ATP10D: variants seen among roughly 807,000 people sequenced by gnomAD.
ATP10D encodes phospholipid-transporting ATPase VD.
ATP10D carries 89 observed loss-of-function variants against 144.8 expected under a neutral mutation model. The ratio of observed to expected loss-of-function variants is 0.61; its 90% CI spans 0.52 to 0.73. The LOEUF (loss-of-function observed/expected upper bound fraction) is 0.73. Ranked by LOEUF, ATP10D falls within the 30% of genes least tolerant of loss-of-function variation. The pLI is 0.00. For missense variants in ATP10D, 1,603 were observed against 1,714.8 expected (o/e 0.93, Z 1.15); for synonymous variants, 571 against 615.1 (o/e 0.93, Z 1.06).
chr4:47,516,488 A>C (rs1218262664), intron 3 of ATP10D, among the ~76,000 whole-genome samples: 1 of 152,224 alleles, frequency 6.6e-6, no homozygotes, highest in Non-Finnish European at 1.5e-5. Flanking sequence ...TTATTCTTAG[A>C]TGTAAGTTAA....
In ATP10D at chr4:47,511,285, G is replaced by GT. The variant is rs149123886; in HGVS notation, c.-37-1210dup. Reference sequence around the variant, plus strand: ...TTAGAGGCCAAAATCCAAAAGAACTGTTTTTTTTTCTTGTTCCTATTATTA... The same window carrying GT: ...TTAGAGGCCAAAATCCAAAAGAACTGTTTTTTTTTTCTTGTTCCTATTATTA... On this transcript the variant is annotated intron_variant, in intron 1 of 22. Transcript: ENST00000273859. Among the ~76,000 whole-genome samples, 225 of 151,304 alleles carry GT rather than the reference G, an allele frequency of 1.5e-3. 1 individual carries two copies. Among genetic ancestry groups the GT allele is most frequent in the African/African-American group, 4.8e-3 (197 of 41,204 alleles).
chr4:47,496,149 CCTTTTT>C (rs1403938892), intron 1 of ATP10D, among the ~76,000 whole-genome samples: 17 of 126,796 alleles, frequency 1.3e-4, no homozygotes, highest in African/African-American at 4.5e-4. Context: ...TAGTGACTTT[CCTTTTT>C]CTTTTTTTTT....
chr4:47,576,135 T>G (rs1012892910), intron 18 of ATP10D, among the ~76,000 whole-genome samples: 2 of 151,396 alleles, frequency 1.3e-5, no homozygotes, highest in African/African-American at 4.9e-5. Flanking sequence ...GTTTCACCGT[T>G]TTAGCCGGGA....
At chr4:47,500,986 A>G (rs1273222772) in intron 1 of ATP10D, among the ~76,000 whole-genome samples, 2 of 152,208 alleles carry the variant, frequency 1.3e-5, no homozygotes, top group Non-Finnish European at 2.9e-5. Flanking sequence ...TGACTCTGAC[A>G]AGGTGTTGTG....
chr4:47,506,580 T>C (rs1716029416), intron 1 of ATP10D, among the ~76,000 whole-genome samples: 2 of 152,174 alleles, frequency 1.3e-5, no homozygotes, highest in South Asian at 4.1e-4. Context: ...TACATAAAAG[T>C]AATACATTTT....
intron 9 of ATP10D, among the ~76,000 whole-genome samples, chr4:47,544,798 C>A (rs576088363): frequency 6.6e-6 from 1 of 152,256 alleles, no homozygotes; most frequent in Non-Finnish European, 1.5e-5. Context: ...GAATAACTTA[C>A]CCAAAGCCAT....
Position 47,591,191 on chromosome 4 carries a change from C to T in ATP10D, c.4091C>T (p.Ala1364Val). The change falls in exon 23 of 23, where the codon GCT becomes GTT. Residue 1364 changes from alanine (A) to valine (V), a missense_variant. By Grantham distance (64) the Ala-to-Val change is moderately conservative (BLOSUM62 0). Coordinates refer to ENST00000273859, the MANE Select transcript of ATP10D (RefSeq NM_020453.4). ...ATGAATCAAGTGACATCAAAGTATG[C>T]TAACCAATCAGCTGGCAAGTCAGGA... ...GKMNQVTSKY[A>V]NQSAGKSGRR... The T allele has an allele frequency of 6.2e-7, 1 of 1,613,550 alleles. No homozygotes were observed. The highest frequency in any genetic ancestry group is 8.5e-7 in the Non-Finnish European group (1 of 1,179,610).
chr4:47,539,984 A>G (rs555974765), intron 9 of ATP10D, among the ~76,000 whole-genome samples: 5 of 152,308 alleles, frequency 3.3e-5, no homozygotes, highest in Non-Finnish European at 7.4e-5. Flanking sequence ...TTGATAAGCT[A>G]CCTGTTTGGG....
intron 22 of ATP10D, among the ~76,000 whole-genome samples, chr4:47,587,499 A>G (rs544016583): frequency 1.3e-5 from 2 of 152,258 alleles, no homozygotes; most frequent in East Asian, 3.9e-4. Flanking sequence ...CCTTTTCTCT[A>G]TCTTTTTACT....
At chr4:47,523,408 T>G (rs907397346) in intron 4 of ATP10D, among the ~76,000 whole-genome samples, 192 bp downstream of exon 4, 4 of 152,216 alleles carry the variant, frequency 2.6e-5, no homozygotes, top group Non-Finnish European at 5.9e-5. Flanking sequence ...ATAAAATGAC[T>G]TCAGAATTTA....
intron 5 of ATP10D, among the ~76,000 whole-genome samples, chr4:47,534,065 C>G (rs1717701642): frequency 6.6e-6 from 1 of 152,160 alleles, no homozygotes; most frequent in Non-Finnish European, 1.5e-5. Context: ...AAGGTCTACA[C>G]TTTGCATCTG....
intron 3 of ATP10D, among the ~76,000 whole-genome samples, chr4:47,516,770 T>C (rs1716710091): frequency 6.6e-6 from 1 of 152,166 alleles, no homozygotes; most frequent in South Asian, 2.1e-4. Context: ...TTTTCTCTTA[T>C]ACTCATGTCC....
chr4:47,591,121 G>A lies in ATP10D; in HGVS notation c.4021G>A (p.Glu1341Lys). Residue 1341 changes from glutamate to lysine, a missense_variant, in exon 23 of 23, where the codon GAG becomes AAG. By Grantham distance (56) the Glu-to-Lys change is moderately conservative. Transcript: ENST00000273859. Reference sequence around the variant, plus strand: ...TAAGCACTTTGACAGACTAACTCCAGAGGAGAGGACTAAAGCTCTCAAGAA... The same window carrying A: ...TAAGCACTTTGACAGACTAACTCCAAAGGAGAGGACTAAAGCTCTCAAGAA... ...RAKHFDRLTP[E>K]ERTKALKKWR... 4 of 1,613,386 alleles carry A rather than the reference G, an allele frequency of 2.5e-6. No individual in the cohort carries two copies. The highest frequency in any genetic ancestry group is 3.4e-6 in the Non-Finnish European group (4 of 1,179,520).
In ATP10D at chr4:47,569,061, G is replaced by A. The variant is rs757921769; in HGVS notation, c.3078G>A (p.Val1026=). ...AACTGACATCTTGGTGTCAAGCTGT[G>A]GTCTGCTGCCGAGCCACACCGCTGC... ...FLELTSWCQA[V]VCCRATPLQK... Residue 1026 remains valine, a synonymous_variant, in exon 16 of 23, where the codon GTG becomes GTA. Coordinates refer to ENST00000273859, the MANE Select transcript of ATP10D (RefSeq NM_020453.4). 5 of 1,614,168 alleles carry A rather than the reference G, an allele frequency of 3.1e-6. No homozygotes were observed. Among genetic ancestry groups the A allele is most frequent in the Middle Eastern group, 1.7e-4 (1 of 6,058 alleles).
intron 9 of ATP10D, among the ~76,000 whole-genome samples, chr4:47,542,076 T>C (rs1172377308): frequency 7.1e-6 from 1 of 139,888 alleles, no homozygotes; most frequent in African/African-American, 2.7e-5. Context: ...TTTATCAATA[T>C]TATAATAAAC....
chr4:47,489,819 G>A lies in ATP10D; in HGVS notation c.-38+4300G>A, dbSNP rs544662680. Among the ~76,000 whole-genome samples, 9 of 152,300 alleles carry A rather than the reference G, an allele frequency of 5.9e-5. No individual in the cohort carries two copies. In the South Asian group the frequency reaches 1.9e-3, roughly 32 times the overall value. ...AATAAGCATTGTTGAACAGATTTGA[G>A]CTTTACTTCCCTTTAATTTCCTGTT... On this transcript the variant is annotated intron_variant, in intron 1 of 22. Transcript: ENST00000273859.
intron 1 of ATP10D, among the ~76,000 whole-genome samples, chr4:47,495,636 T>C (rs566566612): frequency 2.3e-4 from 35 of 152,314 alleles, no homozygotes; most frequent in African/African-American, 7.7e-4. Context: ...ATATTGTATA[T>C]ATTCATAGTT....
chr4:47,536,404 G>C, intron 7 of ATP10D, 33 bp from the exon 8 acceptor site: 1 of 1,606,112 alleles, frequency 6.2e-7, no homozygotes, highest in South Asian at 1.1e-5. Flanking sequence ...CATATATTTA[G>C]CATCCTTTTG....
At chr4:47,528,956 G>A (rs755229001) in intron 5 of ATP10D, among the ~76,000 whole-genome samples, 61 of 151,958 alleles carry the variant, frequency 4.0e-4, no homozygotes, top group African/African-American at 6.7e-4. Flanking sequence ...GTATGTCTTC[G>A]TTTGAGAAAT....
Sources: allele counts gnomAD v4.1 joint callset (sites outside exome capture counted in the v4.1 genomes callset), GRCh38; gene constraint gnomAD v4.1.1; transcripts MANE v1.5; gene names NCBI Gene and HGNC (gene_info 2026-07-23, HGNC 2026-07-21).